Variants in CYP2C19 observed in about 807,000 individuals in gnomAD.
CYP2C19 encodes cytochrome P450 2C19.
In CYP2C19, 59 loss-of-function variants were observed where a neutral mutation model predicts 40.9. The observed-to-expected ratio is 1.44, with a 90% CI of 1.17 to 1.79. CYP2C19 has a LOEUF of 1.79. CYP2C19 is among the 40% of genes most tolerant of loss of function. CYP2C19 has a pLI of 0.00. For missense variants in CYP2C19, 754 were observed against 596.9 expected, an observed-to-expected ratio of 1.26 and a Z score of -2.74; for synonymous variants, 253 against 208.7, an observed-to-expected ratio of 1.21 and a Z score of -1.83.
At chr10:94,836,155 T>C (rs1849400327) in intron 6 of CYP2C19, among the ~76,000 whole-genome samples, 1 of 152,248 alleles carries the variant, frequency 6.6e-6, no homozygotes, top group Non-Finnish European at 1.5e-5. Context: ...TAAGTGGTTG[T>C]CTGACAGCCA....
intron 1 of CYP2C19, 36 bp downstream of exon 1, chr10:94,762,909 G>T: frequency 6.3e-7 from 1 of 1,578,804 alleles, no homozygotes; most frequent in Non-Finnish European, 8.7e-7. Flanking sequence ...CAAAAGGTAA[G>T]TAAATTCACC....
chr10:94,777,623 C>A (rs761880262), intron 3 of CYP2C19, among the ~76,000 whole-genome samples: 6 of 152,138 alleles, frequency 3.9e-5, no homozygotes, highest in Non-Finnish European at 7.4e-5. Context: ...AACTGGATCC[C>A]TTCCTTTCAT....
intron 5 of CYP2C19, among the ~76,000 whole-genome samples, chr10:94,795,522 A>T (rs1564667488): frequency 6.6e-6 from 1 of 152,042 alleles, no homozygotes; most frequent in Non-Finnish European, 1.5e-5. Flanking sequence ...TTTACCCAGT[A>T]ATGGGATGGC....
At chr10:94,831,118 A>G (rs1311485325) in intron 6 of CYP2C19, among the ~76,000 whole-genome samples, 5 of 152,210 alleles carry the variant, frequency 3.3e-5, no homozygotes, top group Non-Finnish European at 5.9e-5. Context: ...AATAAGTGAG[A>G]ACATGCTATG....
At chr10:94,783,803 GA>G (rs1216497316) in intron 5 of CYP2C19, among the ~76,000 whole-genome samples, 2 of 152,052 alleles carry the variant, frequency 1.3e-5, no homozygotes, top group Non-Finnish European at 2.9e-5. Context: ...ATCTTCATAT[GA>G]AATTTAGGAT....
chr10:94,763,836 C>T (rs748520642), intron 1 of CYP2C19, among the ~76,000 whole-genome samples: 5 of 152,062 alleles, frequency 3.3e-5, no homozygotes, highest in South Asian at 2.1e-4. Flanking sequence ...AATGAAGCCA[C>T]GGACCCTCGT....
chr10:94,832,443 C>T (rs996897341), intron 6 of CYP2C19, among the ~76,000 whole-genome samples: 10 of 152,192 alleles, frequency 6.6e-5, no homozygotes, highest in Admixed American at 6.5e-4. Context: ...GGGGAAACCA[C>T]CCCATGTTTC....
At chr10:94,783,783 G>A (rs1255512143) in intron 5 of CYP2C19, among the ~76,000 whole-genome samples, 1 of 151,820 alleles carries the variant, frequency 6.6e-6, no homozygotes, top group East Asian at 1.9e-4. Flanking sequence ...CACTATTCTG[G>A]GTCCCTTGAA....
At chr10:94,817,199 T>A (rs1849019711) in intron 5 of CYP2C19, among the ~76,000 whole-genome samples, 1 of 146,582 alleles carries the variant, frequency 6.8e-6, no homozygotes, top group Non-Finnish European at 1.5e-5. Flanking sequence ...CCACCAACAG[T>A]GTAAAAGTGT....
At chr10:94,770,693 G>A (rs1293345648) in intron 1 of CYP2C19, among the ~76,000 whole-genome samples, 1 of 152,136 alleles carries the variant, frequency 6.6e-6, no homozygotes, top group Non-Finnish European at 1.5e-5. Flanking sequence ...AAGGCCTCCT[G>A]TAGCCACTCG....
chr10:94,848,641 G>T (rs1188921153), intron 7 of CYP2C19, among the ~76,000 whole-genome samples: 1 of 152,122 alleles, frequency 6.6e-6, no homozygotes, highest in African/African-American at 2.4e-5. Flanking sequence ...GATGGGGATG[G>T]CATTGAATCT....
chr10:94,820,480 A>G lies in CYP2C19; in HGVS notation c.820-16A>G, dbSNP rs1305489345. 7.4e-6 allele frequency: 12 copies of G among 1,613,772 alleles called. No individual in the cohort carries two copies. The highest frequency in any genetic ancestry group is 1.7e-5 in the Admixed American group (1 of 59,988). On this transcript the variant is annotated splice_polypyrimidine_tract_variant and intron_variant, in intron 5 of 8. Coordinates refer to ENST00000371321, the MANE Select transcript of CYP2C19 (RefSeq NM_000769.4). ...GTTAAATAATTTGTCAGATAATTGCATCAAATCATTCCTAGGAAAAGCAAA... is the reference window on the plus strand; with the variant it reads ...GTTAAATAATTTGTCAGATAATTGCGTCAAATCATTCCTAGGAAAAGCAAA...
Position 94,852,730 on chromosome 10 carries a change from C to T in CYP2C19, c.1292-3C>T, listed in dbSNP as rs779364750. ...AACTTCTCCCTATGTTTGTTATTTT[C>T]AGGAAAACGGATTTGTGTGGGAGAG... On this transcript the variant is annotated splice_region_variant and splice_polypyrimidine_tract_variant and intron_variant, in intron 8 of 8. Coordinates refer to ENST00000371321, the MANE Select transcript of CYP2C19 (RefSeq NM_000769.4). 5 of 1,613,700 alleles carry T rather than the reference C, an allele frequency of 3.1e-6. No individual in the cohort carries two copies. The South Asian group carries it at 5.5e-5, about 18-fold the overall frequency.
intron 1 of CYP2C19, among the ~76,000 whole-genome samples, chr10:94,770,604 C>A (rs932583661): frequency 6.6e-6 from 1 of 152,110 alleles, no homozygotes; most frequent in African/African-American, 2.4e-5. Context: ...CTGATATCTG[C>A]AGCTGATTGG....
At chr10:94,823,073 A>G (rs1849154738) in intron 6 of CYP2C19, among the ~76,000 whole-genome samples, 1 of 152,196 alleles carries the variant, frequency 6.6e-6, no homozygotes, top group Non-Finnish European at 1.5e-5. Context: ...GGAATAATAA[A>G]TCAGTACAGA....
At chr10:94,820,661 A>T in intron 6 of CYP2C19, 24 bp downstream of exon 6, 1 of 1,614,060 alleles carries the variant, frequency 6.2e-7, no homozygotes, top group Middle Eastern at 1.6e-4. Context: ...GGATGAGTTA[A>T]TTGAGTTTTA....
chr10:94,851,383 G>A (rs1459322415), intron 8 of CYP2C19, among the ~76,000 whole-genome samples: 1 of 151,294 alleles, frequency 6.6e-6, no homozygotes, highest in Non-Finnish European at 1.5e-5. Context: ...CCCCAACACT[G>A]GGAATTAGAA....
intron 8 of CYP2C19, among the ~76,000 whole-genome samples, chr10:94,852,044 G>A (rs544325204): frequency 6.6e-6 from 1 of 152,312 alleles, no homozygotes; most frequent in South Asian, 2.1e-4. Context: ...AAAAGGAGAA[G>A]CATGATATAA....
rs988008709 is a variant in CYP2C19, at chr10:94,853,680, G to A, written c.*766G>A. Reference sequence around the variant, plus strand: ...CCTGCCTCAGCCTCCTGAGTAGCTGGGATTACAGACACGTGCCACCATGCC... The same window carrying A: ...CCTGCCTCAGCCTCCTGAGTAGCTGAGATTACAGACACGTGCCACCATGCC... On this transcript the variant is annotated 3_prime_UTR_variant, in exon 9 of 9. Coordinates refer to ENST00000371321, the MANE Select transcript of CYP2C19 (RefSeq NM_000769.4). Among the ~76,000 whole-genome samples the A allele has an allele frequency of 2.6e-5, 4 of 151,642 alleles. No homozygotes were observed. Among genetic ancestry groups the A allele is most frequent in the African/African-American group, 7.3e-5 (3 of 41,252 alleles).
Sources: gnomAD v4.1 joint callset for allele counts (sites outside exome capture counted in the v4.1 genomes callset) on GRCh38, gnomAD v4.1.1 for gene constraint, MANE v1.5 for transcripts, NCBI Gene and HGNC (gene_info 2026-07-23, HGNC 2026-07-21) for gene names.